PSD3: variants seen among roughly 807,000 people sequenced by gnomAD.
PSD3 encodes the protein pleckstrin and Sec7 domain containing 3.
In PSD3, 49 loss-of-function variants were observed where a neutral mutation model predicts 105.5. The observed-to-expected ratio is 0.46, with a 90% CI of 0.37 to 0.59. The LOEUF (loss-of-function observed/expected upper bound fraction) is 0.59, where lower values mean the gene tolerates loss of function less well. Among genes scored for constraint, PSD3 ranks in the 20% least tolerant of loss-of-function variants. PSD3 has a pLI of 0.00. For missense variants in PSD3, 1,561 were observed against 1,263.8 expected (o/e 1.24, Z -3.57); for synonymous variants, 557 against 457.8 (o/e 1.22, Z -2.77).
intron 12 of PSD3, among the ~76,000 whole-genome samples, chr8:18,594,832 T>G (rs1332484386): frequency 6.6e-6 from 1 of 152,124 alleles, no homozygotes; most frequent in Admixed American, 6.6e-5. Flanking sequence ...TGGCATAGAT[T>G]CAACATAGTA....
intron 1 of PSD3, among the ~76,000 whole-genome samples, chr8:18,960,312 A>C (rs1173879062): frequency 1.3e-5 from 2 of 152,226 alleles, no homozygotes; most frequent in African/African-American, 2.4e-5. Context: ...CGCATGACCA[A>C]AGAAGTGTCT....
chr8:18,666,575 A>G lies in PSD3; in HGVS notation c.2173-10890T>C, dbSNP rs1367296353. Reference sequence around the variant, plus strand: ...ATCATCAAAAAACAAACTAAGAGTTACAACTCAAATATCTCGTAACAGATA... The same window carrying G: ...ATCATCAAAAAACAAACTAAGAGTTGCAACTCAAATATCTCGTAACAGATA... On this transcript the variant is annotated intron_variant, in intron 9 of 15. Coordinates refer to ENST00000327040, the MANE Select transcript of PSD3 (RefSeq NM_015310.4). 2.6e-5 allele frequency among the ~76,000 whole-genome samples: 4 copies of G among 152,254 alleles called. No individual in the cohort carries two copies. In the East Asian group the frequency reaches 5.8e-4, roughly 22 times the overall value.
At chr8:18,773,867 A>G (rs1462483629) in intron 8 of PSD3, among the ~76,000 whole-genome samples, 1 of 152,176 alleles carries the variant, frequency 6.6e-6, no homozygotes, top group African/African-American at 2.4e-5. Context: ...CTTAACAATA[A>G]AGTTCCAATA....
intron 2 of PSD3, among the ~76,000 whole-genome samples, chr8:18,879,836 G>A (rs1055054044): frequency 3.4e-4 from 2 of 5,824 alleles, no homozygotes; most frequent in African/African-American, 9.1e-4. Flanking sequence ...GGGCTCAAGT[G>A]ATCCTCCCAC....
chr8:19,074,371 G>T (rs1829376885), intron 1 of PSD3, among the ~76,000 whole-genome samples: 1 of 151,816 alleles, frequency 6.6e-6, no homozygotes, highest in Non-Finnish European at 1.5e-5. Flanking sequence ...GGGTCCGGGG[G>T]GTGCCACAAC....
intron 9 of PSD3, among the ~76,000 whole-genome samples, chr8:18,664,144 G>A (rs1809549110): frequency 6.6e-6 from 1 of 152,188 alleles, no homozygotes; most frequent in Non-Finnish European, 1.5e-5. Flanking sequence ...AACTGTTCAA[G>A]TAAAAGGAAG....
intron 4 of PSD3, among the ~76,000 whole-genome samples, chr8:18,820,219 A>C (rs1812581556): frequency 6.7e-6 from 1 of 148,784 alleles, no homozygotes; most frequent in South Asian, 2.1e-4. Flanking sequence ...ATTTTCTCCA[A>C]GTGAAATGGC....
At chr8:18,774,766 T>C (rs17127180) in intron 8 of PSD3, 2 of 394,082 alleles carry the variant, frequency 5.1e-6, no homozygotes, top group Admixed American at 3.0e-5. Context: ...GCAACAGATT[T>C]GGAAATGACT....
chr8:18,634,930 G>A (rs1424881702), intron 10 of PSD3, among the ~76,000 whole-genome samples: 3 of 152,060 alleles, frequency 2.0e-5, no homozygotes, highest in Admixed American at 6.6e-5. Context: ...CAAATATTGT[G>A]ATTCTCCTTT....
At chr8:18,671,744 G>C (rs1799795442) in intron 9 of PSD3, among the ~76,000 whole-genome samples, 1 of 151,816 alleles carries the variant, frequency 6.6e-6, no homozygotes, top group African/African-American at 2.4e-5. Context: ...CCATTCTCCT[G>C]CCTCAGCCTC....
chr8:18,775,320 C>T (rs1392049731), intron 8 of PSD3, among the ~76,000 whole-genome samples: 1 of 152,126 alleles, frequency 6.6e-6, no homozygotes, highest in Non-Finnish European at 1.5e-5. Flanking sequence ...CTACAATAAA[C>T]ATGGGAGTGC....
chr8:18,718,046 C>A (rs556866089), intron 9 of PSD3, among the ~76,000 whole-genome samples: 1 of 152,146 alleles, frequency 6.6e-6, no homozygotes, highest in South Asian at 2.1e-4. Flanking sequence ...AAGGGTTTAA[C>A]AGTCTTTCTT....
intron 9 of PSD3, among the ~76,000 whole-genome samples, chr8:18,747,867 C>A (rs1805157955): frequency 6.6e-6 from 1 of 151,454 alleles, no homozygotes; most frequent in Non-Finnish European, 1.5e-5. Flanking sequence ...CTTTTGCAGG[C>A]CTCTAATCAT....
chr8:19,040,802 G>A (rs1470485516), intron 1 of PSD3, among the ~76,000 whole-genome samples: 1 of 152,200 alleles, frequency 6.6e-6, no homozygotes, highest in Non-Finnish European at 1.5e-5. Flanking sequence ...AATCAGGAAT[G>A]TTGTCCATGA....
At chr8:19,007,671 A>G (rs75426264) in intron 1 of PSD3, among the ~76,000 whole-genome samples, 1,560 of 152,128 alleles carry the variant, frequency 0.01, 30 homozygotes, top group African/African-American at 0.035. Flanking sequence ...TCAGTGGACA[A>G]GGTTTTTTGG....
chr8:18,963,958 G>T (rs1249810931), intron 1 of PSD3, among the ~76,000 whole-genome samples: 1 of 152,110 alleles, frequency 6.6e-6, no homozygotes, highest in Non-Finnish European at 1.5e-5. Context: ...GCCCCAGTAG[G>T]CAGGCTTTCT....
intron 9 of PSD3, among the ~76,000 whole-genome samples, chr8:18,682,330 T>G (rs1800434721): frequency 6.6e-6 from 1 of 152,254 alleles, no homozygotes; most frequent in Admixed American, 6.5e-5. Context: ...CTTAGTGCTC[T>G]TATAGAAGCC....
At chr8:18,620,563 G>C (rs1427565386) in intron 11 of PSD3, among the ~76,000 whole-genome samples, 1 of 152,016 alleles carries the variant, frequency 6.6e-6, no homozygotes, top group Non-Finnish European at 1.5e-5. Flanking sequence ...TAAAAAATTA[G>C]TGGGGTGTGA....
At chr8:18,947,094 A>G (rs1436502679) in intron 1 of PSD3, among the ~76,000 whole-genome samples, 1 of 152,154 alleles carries the variant, frequency 6.6e-6, no homozygotes, top group East Asian at 1.9e-4. Flanking sequence ...GACTAACTGG[A>G]TAGATATTCC....
Sources: gnomAD v4.1 joint callset for allele counts (sites outside exome capture counted in the v4.1 genomes callset) on GRCh38, gnomAD v4.1.1 for gene constraint, MANE v1.5 for transcripts, NCBI Gene and HGNC (gene_info 2026-07-23, HGNC 2026-07-21) for gene names.